The following RBFOX3 variants were observed in gnomAD, a reference collection of about 807,000 sequenced individuals.
The protein encoded by RBFOX3 is RNA binding fox-1 homolog 3, also known as RNA binding protein fox-1 homolog 3.
A neutral mutation model predicts 48.7 loss-of-function variants in RBFOX3; 17 were observed. The ratio of observed to expected loss-of-function variants is 0.35; its 90% CI spans 0.24 to 0.52. The LOEUF (loss-of-function observed/expected upper bound fraction) is 0.52, where lower values mean the gene tolerates loss of function less well. Among genes scored for constraint, RBFOX3 ranks in the 20% least tolerant of loss-of-function variants. The probability of loss-of-function intolerance (pLI) is 0.94; values close to 1 mark genes in which losing one functional copy is unlikely to be tolerated. For synonymous variants in RBFOX3, 212 were observed against 209.5 expected, an observed-to-expected ratio of 1.01 and a Z score of -0.10; for missense variants, 382 against 497.5, an observed-to-expected ratio of 0.77 and a Z score of 2.21.
chr17:79,352,620 G>A (rs2084177542), intron 2 of RBFOX3, among the ~76,000 whole-genome samples: 3 of 152,184 alleles, frequency 2.0e-5, no homozygotes, highest in Non-Finnish European at 4.4e-5. Context: ...CTCTGGAAAG[G>A]TAAAAACTCC....
chr17:79,592,586 G>C (rs1292371457), intron 1 of RBFOX3, among the ~76,000 whole-genome samples: 1 of 152,044 alleles, frequency 6.6e-6, no homozygotes, highest in Non-Finnish European at 1.5e-5. Context: ...TCCCTGGGAA[G>C]GCTGGGGCAG....
In RBFOX3 at chr17:79,421,977, C is replaced by T. The variant is rs141367939; in HGVS notation, c.-175+60477G>A. On this transcript the variant is annotated intron_variant, in intron 2 of 14. Transcript: ENST00000693108. The surrounding 1 kb of genome is among the most constrained non-coding windows in gnomAD (Gnocchi z 4.5). ...AACAGAATTCTAGGTGCTGCCCGGA[C>T]GAGATGAGGAGGGGGACTTGCCGGC... Among the ~76,000 whole-genome samples, 254 of 152,158 alleles carry T rather than the reference C, an allele frequency of 1.7e-3. No individual in the cohort carries two copies. Among genetic ancestry groups the T allele is most frequent in the African/African-American group, 5.7e-3 (235 of 41,502 alleles).
At position 79,480,269 on chromosome 17, in the gene RBFOX3, G is replaced by A. The variant is rs774562998; in HGVS notation, c.-175+2185C>T. Among the ~76,000 whole-genome samples the A allele has an allele frequency of 6.6e-6, 1 of 152,154 alleles. No individual in the cohort carries two copies. Among genetic ancestry groups the A allele is most frequent in the African/African-American group, 2.4e-5 (1 of 41,416 alleles). On this transcript the variant is annotated intron_variant, in intron 2 of 14. Transcript: ENST00000693108. The surrounding 1 kb of genome is among the most constrained non-coding windows in gnomAD (Gnocchi z 4.8). ...GGGTGACAGCCGTTTCAGCAGAGGAGGGGAGTTGTTTAAGGGTTTATCTCA... is the reference window on the plus strand; with the variant it reads ...GGGTGACAGCCGTTTCAGCAGAGGAAGGGAGTTGTTTAAGGGTTTATCTCA...
chr17:79,375,011 C>T (rs1391255525), intron 2 of RBFOX3, among the ~76,000 whole-genome samples: 2 of 152,120 alleles, frequency 1.3e-5, no homozygotes, highest in African/African-American at 4.8e-5. Context: ...CTCCACCAGC[C>T]TAAGGGCACC....
At chr17:79,631,186 G>A in the RBFOX3 span, among the ~76,000 whole-genome samples, 2,764 of 152,224 alleles carry the variant, frequency 0.018, 354 homozygotes, top group East Asian at 0.35. Context: ...CTCCCCAGGC[G>A]GCTCCAGTGT....
intron 1 of RBFOX3, among the ~76,000 whole-genome samples, chr17:79,546,547 T>C (rs1328550291): frequency 7.0e-6 from 1 of 142,320 alleles, no homozygotes; most frequent in Non-Finnish European, 1.5e-5. Flanking sequence ...CCCAATGGCC[T>C]GTCTGTAGCC....
intron 2 of RBFOX3, among the ~76,000 whole-genome samples, chr17:79,458,922 G>A (rs2074992021): frequency 6.6e-6 from 1 of 152,194 alleles, no homozygotes; most frequent in Non-Finnish European, 1.5e-5. Flanking sequence ...CAAGCAGCAT[G>A]GCTGGATCTA....
chr17:79,530,741 C>G (rs1338102577), intron 1 of RBFOX3, among the ~76,000 whole-genome samples: 2 of 152,224 alleles, frequency 1.3e-5, no homozygotes, highest in African/African-American at 4.8e-5. Flanking sequence ...GGGACAATCA[C>G]CACAGTGTGA....
At chr17:79,468,544 G>C (rs1257436763) in intron 2 of RBFOX3, among the ~76,000 whole-genome samples, 5 of 151,984 alleles carry the variant, frequency 3.3e-5, no homozygotes, top group Non-Finnish European at 7.4e-5. Flanking sequence ...TAGCAGATAG[G>C]CAGGCAGGCA....
chr17:79,598,471 C>G (rs2093626603), intron 1 of RBFOX3: 1 of 152,180 alleles, frequency 6.6e-6, no homozygotes, highest in African/African-American at 2.4e-5. Context: ...TCTCTGTTCT[C>G]CTGGCTATAA....
chr17:79,250,510 G>A (rs1038692687), intron 3 of RBFOX3, among the ~76,000 whole-genome samples: 1 of 149,984 alleles, frequency 6.7e-6, no homozygotes, highest in Non-Finnish European at 1.5e-5. Flanking sequence ...TAAATGAGCC[G>A]ATCACTCGGC....
At chr17:79,140,447 A>G (rs1000991548) in intron 4 of RBFOX3, among the ~76,000 whole-genome samples, 1 of 152,234 alleles carries the variant, frequency 6.6e-6, no homozygotes, top group Non-Finnish European at 1.5e-5. Context: ...CTCCAGGTGC[A>G]TGTGTGGGCC....
chr17:79,560,417 AGG>A (rs1299255729), intron 1 of RBFOX3, among the ~76,000 whole-genome samples: 2 of 152,134 alleles, frequency 1.3e-5, no homozygotes, highest in Non-Finnish European at 2.9e-5. Context: ...AAGGTGTGAG[AGG>A]GCAACCACTT....
rs151315747 is a variant in RBFOX3 at position 79,285,481 on chromosome 17, T to C, written c.-74+22243A>G. Among the ~76,000 whole-genome samples the C allele has an allele frequency of 2.0e-4, 31 of 152,310 alleles. No homozygotes were observed. The East Asian group carries it at 5.2e-3, about 26-fold the overall frequency. On this transcript the variant is annotated intron_variant, in intron 3 of 14. Coordinates refer to ENST00000693108, the MANE Select transcript of RBFOX3 (RefSeq NM_001350451.2). ...ATCTTCAATTAACACAGGCTCCACA[T>C]ACTGTAGCATACAATGCCCTGAAAC...
chr17:79,426,800 G>A (rs2067476006), intron 2 of RBFOX3, among the ~76,000 whole-genome samples: 1 of 152,140 alleles, frequency 6.6e-6, no homozygotes, highest in South Asian at 2.1e-4. Flanking sequence ...CACCTCCCAG[G>A]TTCAAGGGAT....
intron 2 of RBFOX3, among the ~76,000 whole-genome samples, chr17:79,449,108 C>T (rs1192435075): frequency 6.6e-6 from 1 of 152,078 alleles, no homozygotes; most frequent in Non-Finnish European, 1.5e-5. Flanking sequence ...TGCCTGTAGT[C>T]CCTTACCACA....
chr17:79,169,478 C>T (rs927352450), intron 4 of RBFOX3, among the ~76,000 whole-genome samples: 2 of 152,168 alleles, frequency 1.3e-5, no homozygotes, highest in Non-Finnish European at 2.9e-5. Flanking sequence ...GATCACACAC[C>T]CCACCCAGGA....
At position 79,204,491 on chromosome 17, in the gene RBFOX3, C is replaced by T. The variant is rs185654676; in HGVS notation, c.-34+31275G>A. Among the ~76,000 whole-genome samples, 7 of 152,296 alleles carry T rather than the reference C, an allele frequency of 4.6e-5. No homozygotes were observed. Among genetic ancestry groups the T allele is most frequent in the African/African-American group, 7.2e-5 (3 of 41,558 alleles). On this transcript the variant is annotated intron_variant, in intron 4 of 14. Transcript: ENST00000693108. The surrounding 1 kb of genome is among the most constrained non-coding windows in gnomAD (Gnocchi z 4.5). ...ACAGCTCCTTGAAGCGCACACATAC[C>T]GACAGCATTCAGTCAACGAGGTCGA...
intron 4 of RBFOX3, among the ~76,000 whole-genome samples, chr17:79,176,542 G>A (rs931852592): frequency 2.0e-5 from 3 of 152,272 alleles, no homozygotes; most frequent in African/African-American, 7.2e-5. Flanking sequence ...TATTCCAGCT[G>A]CGCTGGTGAC....
Sources: allele counts gnomAD v4.1 joint callset (sites outside exome capture counted in the v4.1 genomes callset), GRCh38; gene constraint gnomAD v4.1.1; non-coding constraint Gnocchi (gnomAD v3.1); transcripts MANE v1.5; gene names NCBI Gene and HGNC (gene_info 2026-07-23, HGNC 2026-07-21).